CLASP2: variants seen among roughly 807,000 people sequenced by gnomAD.
CLASP2 encodes CLIP-associating protein 2.
CLASP2 carries 47 observed loss-of-function variants against 194.4 expected under a neutral mutation model. That is an observed-to-expected ratio of 0.24 (90% CI 0.19 to 0.31). The LOEUF is 0.31. Ranked by LOEUF, CLASP2 falls within the 10% of genes least tolerant of loss-of-function variation. CLASP2 has a pLI of 1.00. For synonymous variants in CLASP2, 619 were observed against 633.5 expected (o/e 0.98, Z 0.34); for missense variants, 1,445 against 1,823.6 (o/e 0.79, Z 3.78).
At chr3:33,541,809 G>T (rs901415702) in intron 32 of CLASP2, among the ~76,000 whole-genome samples, 1 of 152,154 alleles carries the variant, frequency 6.6e-6, no homozygotes, top group African/African-American at 2.4e-5. Context: ...ACATGTGCAT[G>T]TATCTTTATA....
At chr3:33,594,202 A>G (rs772236488) in intron 20 of CLASP2, among the ~76,000 whole-genome samples, 5 of 152,244 alleles carry the variant, frequency 3.3e-5, no homozygotes, top group Admixed American at 3.3e-4. Context: ...AATTATTTTA[A>G]ATATATCAGA....
At chr3:33,566,666 G>A in intron 27 of CLASP2, 66 bp downstream of exon 27, 1 of 421,090 alleles carries the variant, frequency 2.4e-6, no homozygotes, top group Non-Finnish European at 4.7e-6. Flanking sequence ...AGAAAATAGA[G>A]AAAAAGGGTT....
chr3:33,635,809 T>C (rs1319270542), intron 8 of CLASP2, among the ~76,000 whole-genome samples: 1 of 152,034 alleles, frequency 6.6e-6, no homozygotes, highest in Non-Finnish European at 1.5e-5. Context: ...CAAACTCAAA[T>C]CAAATATACA....
chr3:33,619,931 G>T (rs1362538281), intron 11 of CLASP2, among the ~76,000 whole-genome samples, 193 bp from the exon 12 acceptor site: 1 of 152,100 alleles, frequency 6.6e-6, no homozygotes, highest in Non-Finnish European at 1.5e-5. Flanking sequence ...ATCTTTAACT[G>T]GCTAGTCCAA....
chr3:33,621,591 C>T lies in CLASP2; in HGVS notation c.1181+544G>A, dbSNP rs554987334. ...TCTGACTAGAATATCTAATACAATC[C>T]TGATTAGAAATATTGCTAGTAGGCA... On this transcript the variant is annotated intron_variant, in intron 11 of 38. Transcript: ENST00000682230. Among the ~76,000 whole-genome samples the T allele has an allele frequency of 1.8e-4, 27 of 152,128 alleles. No homozygotes were observed. In the East Asian group the frequency reaches 5.0e-3, roughly 28 times the overall value.
chr3:33,657,647 T>C (rs2084515200), intron 7 of CLASP2, among the ~76,000 whole-genome samples: 2 of 152,112 alleles, frequency 1.3e-5, no homozygotes, highest in East Asian at 3.8e-4. Context: ...GAGAACTTAT[T>C]TGTTAATCCT....
intron 26 of CLASP2, 146 bp downstream of exon 26, chr3:33,570,581 G>T (rs778880297): frequency 2.0e-6 from 2 of 989,268 alleles, no homozygotes; most frequent in Non-Finnish European, 3.0e-6. Context: ...TCTAAATTAC[G>T]TATGATACCA....
intron 32 of CLASP2, among the ~76,000 whole-genome samples, chr3:33,539,684 G>A (rs116228859): frequency 0.012 from 1,755 of 152,136 alleles, 11 homozygotes; most frequent in Middle Eastern, 0.031. Context: ...TTTAGGTATT[G>A]TCTATGGCTG....
chr3:33,512,552 T>A (rs1301207300), intron 36 of CLASP2, among the ~76,000 whole-genome samples: 5 of 75,846 alleles, frequency 6.6e-5, no homozygotes, highest in Non-Finnish European at 1.2e-4. Context: ...AAACTTAGAG[T>A]ATAATAAAAA....
In CLASP2 at chr3:33,651,432, T is replaced by C. The variant is rs543490386; in HGVS notation, c.716-6529A>G. Among the ~76,000 whole-genome samples, 21 of 149,116 alleles carry C rather than the reference T, an allele frequency of 1.4e-4. No individual in the cohort carries two copies. In the South Asian group the frequency reaches 3.6e-3, roughly 26 times the overall value. On this transcript the variant is annotated intron_variant, in intron 7 of 38. Transcript: ENST00000682230. ...CAGAAAACATTAATGTGCTTGATTA[T>C]AGGGTGCTGCCCCAAGCCCAGCAGA... is the stretch of plus-strand genomic sequence containing the variant.
At chr3:33,671,516 C>G (rs920622316) in intron 6 of CLASP2, among the ~76,000 whole-genome samples, 2 of 152,144 alleles carry the variant, frequency 1.3e-5, no homozygotes, top group African/African-American at 4.8e-5. Context: ...GTGAGAGACC[C>G]AGAAGACAGG....
intron 8 of CLASP2, among the ~76,000 whole-genome samples, chr3:33,634,380 A>G (rs775072718): frequency 1.4e-4 from 22 of 152,212 alleles, no homozygotes; most frequent in Non-Finnish European, 2.8e-4. Context: ...CCACACAGTA[A>G]TATTTTAGGC....
At chr3:33,541,296 G>A (rs925125018) in intron 32 of CLASP2, among the ~76,000 whole-genome samples, 11 of 152,032 alleles carry the variant, frequency 7.2e-5, no homozygotes, top group African/African-American at 2.7e-4. Flanking sequence ...ATACACCACG[G>A]AATACACCAC....
At chr3:33,657,231 G>A (rs763022505) in intron 7 of CLASP2, among the ~76,000 whole-genome samples, 10 of 152,084 alleles carry the variant, frequency 6.6e-5, no homozygotes, top group Admixed American at 2.6e-4. Context: ...TGCACTGGAT[G>A]TGACAAAGAC....
At chr3:33,607,324 C>T (rs2074091218) in intron 15 of CLASP2, 60 bp downstream of exon 15, 9 of 1,150,172 alleles carry the variant, frequency 7.8e-6, no homozygotes, top group Admixed American at 2.8e-5. Context: ...TTTCATTCTC[C>T]TAATACATTT....
intron 34 of CLASP2, among the ~76,000 whole-genome samples, chr3:33,525,343 G>A (rs2054234559): frequency 6.6e-6 from 1 of 152,128 alleles, no homozygotes; most frequent in Non-Finnish European, 1.5e-5. Flanking sequence ...ACCAGAAGTA[G>A]CTAGTGTACA....
At chr3:33,541,390 G>A (rs549572000) in intron 32 of CLASP2, among the ~76,000 whole-genome samples, 63 of 152,214 alleles carry the variant, frequency 4.1e-4, no homozygotes, top group Non-Finnish European at 7.9e-4. Context: ...ATAGGCAAAC[G>A]TGTGTCATGG....
chr3:33,601,211 C>T (rs748896989), intron 18 of CLASP2, among the ~76,000 whole-genome samples: 11 of 152,120 alleles, frequency 7.2e-5, no homozygotes, highest in East Asian at 3.9e-4. Flanking sequence ...CCACCTGTCT[C>T]GGCCTCCCAA....
At chr3:33,529,772 G>A (rs1467674658) in intron 34 of CLASP2, among the ~76,000 whole-genome samples, 5 of 152,048 alleles carry the variant, frequency 3.3e-5, no homozygotes, top group South Asian at 4.2e-4. Flanking sequence ...ATGAGGTCAG[G>A]AGATCGAGAC....
Sources: allele counts gnomAD v4.1 joint callset (sites outside exome capture counted in the v4.1 genomes callset), GRCh38; gene constraint gnomAD v4.1.1; transcripts MANE v1.5; gene names NCBI Gene and HGNC (gene_info 2026-07-23, HGNC 2026-07-21).